RBMS3: variants seen among roughly 807,000 people sequenced by gnomAD.
The protein encoded by RBMS3 is RNA-binding motif, single-stranded-interacting protein 3.
Under a neutral mutation model 66.8 loss-of-function variants are expected in RBMS3, and 27 were observed. That is an observed-to-expected ratio of 0.40 (90% CI 0.30 to 0.56). The LOEUF is 0.56. Ranked by LOEUF, RBMS3 falls within the 20% of genes least tolerant of loss-of-function variation. The pLI is 0.40. For missense variants in RBMS3, 513 were observed against 549.5 expected (o/e 0.93, Z 0.66); for synonymous variants, 188 against 183.0 (o/e 1.03, Z -0.22).
chr3:29,601,791 CTT>C (rs1559501519), intron 4 of RBMS3, among the ~76,000 whole-genome samples: 1 of 151,918 alleles, frequency 6.6e-6, no homozygotes. Flanking sequence ...GACTCTCAGT[CTT>C]TTTTGTTTGA....
chr3:29,656,742 C>A (rs10510623), intron 4 of RBMS3, among the ~76,000 whole-genome samples: 1 of 152,040 alleles, frequency 6.6e-6, no homozygotes, highest in Admixed American at 6.5e-5. Flanking sequence ...AGGCTCTGAC[C>A]CATAACCGTT....
At chr3:29,528,923 T>C (rs916859889) in intron 3 of RBMS3, among the ~76,000 whole-genome samples, 3 of 151,998 alleles carry the variant, frequency 2.0e-5, no homozygotes, top group Non-Finnish European at 2.9e-5. Flanking sequence ...TTTTCTTTTT[T>C]AGTAGAGATG....
In RBMS3 at chr3:30,005,739, T is replaced by G. The variant is rs1196951890; in HGVS notation, c.*1877T>G. On this transcript the variant is annotated 3_prime_UTR_variant, in exon 15 of 15. Transcript: ENST00000383767. ...ATATTGGTGTTGCCGAAAGAACTTT[T>G]TCTTTCAGTTTAATTCTTTGAGGCA... 2.0e-5 allele frequency: 3 copies of G among 151,980 alleles called. No individual in the cohort carries two copies. Among genetic ancestry groups the G allele is most frequent in the African/African-American group, 7.2e-5 (3 of 41,536 alleles). The allele number at this position is 151,980 out of a possible 1,614,324, so 9.4% of individuals were successfully genotyped here. A position where few individuals can be genotyped will look rare whatever the true frequency, so the allele number is the denominator to read the frequency against.
chr3:29,560,188 T>G (rs2149046847), intron 3 of RBMS3, among the ~76,000 whole-genome samples: 1 of 152,330 alleles, frequency 6.6e-6, no homozygotes, highest in South Asian at 2.1e-4. Context: ...TCCTGCATTT[T>G]GAAAGTTGAT....
intron 10 of RBMS3, among the ~76,000 whole-genome samples, chr3:29,905,615 C>A (rs1226953857): frequency 5.3e-5 from 8 of 152,024 alleles, no homozygotes; most frequent in Admixed American, 5.3e-4. Flanking sequence ...TTCCTTTGAG[C>A]ATTGCTCTAT....
At chr3:29,897,329 C>T (rs1304905569) in intron 8 of RBMS3, 50 bp from the exon 9 acceptor site, 1 of 1,517,282 alleles carries the variant, frequency 6.6e-7, no homozygotes, top group Non-Finnish European at 9.1e-7. Flanking sequence ...TGATTAGAGG[C>T]CAGGCATGTA....
In RBMS3 at chr3:29,434,741, AG is replaced by A; in HGVS notation, c.76-1del. ...TCCAGTAACAGCTTTTTCTGTTTCC[AG>A]CAGTCCTATGCACCAGCTCCCCACC... On this transcript the variant is annotated splice_acceptor_variant, in intron 1 of 14. Coordinates refer to ENST00000383767, the MANE Select transcript of RBMS3 (RefSeq NM_001003793.3). LOFTEE classifies it high-confidence loss of function. 6.2e-7 allele frequency: 1 copy of A among 1,611,012 alleles called. No individual in the cohort carries two copies. Among genetic ancestry groups the A allele is most frequent in the Non-Finnish European group, 8.5e-7 (1 of 1,178,584 alleles).
intron 7 of RBMS3, among the ~76,000 whole-genome samples, chr3:29,873,051 T>A (rs1372857818): frequency 6.6e-6 from 1 of 152,180 alleles, no homozygotes; most frequent in Non-Finnish European, 1.5e-5. Flanking sequence ...TTGTTCTTTC[T>A]GCTTAGGATT....
intron 6 of RBMS3, among the ~76,000 whole-genome samples, chr3:29,786,681 A>C (rs1373367505): frequency 6.6e-6 from 1 of 152,192 alleles, no homozygotes; most frequent in Non-Finnish European, 1.5e-5. Context: ...TCCTTAATCA[A>C]AAATCAACTC....
intron 7 of RBMS3, among the ~76,000 whole-genome samples, chr3:29,874,258 G>T (rs2059558491): frequency 6.6e-6 from 1 of 152,144 alleles, no homozygotes; most frequent in South Asian, 2.1e-4. Flanking sequence ...ACATTTCAGA[G>T]ACATAGAATT....
chr3:29,661,160 G>C (rs1371842), intron 4 of RBMS3, among the ~76,000 whole-genome samples: 36,992 of 151,994 alleles, frequency 0.24, 5,515 homozygotes, highest in Non-Finnish European at 0.33. Context: ...TATCATCCAA[G>C]CCTTCCCCTG....
At chr3:29,381,284 G>A (rs1044167250) in intron 1 of RBMS3, among the ~76,000 whole-genome samples, 4 of 152,172 alleles carry the variant, frequency 2.6e-5, no homozygotes, top group African/African-American at 9.7e-5. Context: ...AGAGAAGCAA[G>A]GAAGTGTAAG....
At chr3:29,558,405 A>C (rs2149043852) in intron 3 of RBMS3, among the ~76,000 whole-genome samples, 1 of 152,368 alleles carries the variant, frequency 6.6e-6, no homozygotes, top group African/African-American at 2.4e-5. Flanking sequence ...CATTATTTAA[A>C]GGACAATTAG....
At chr3:29,913,904 C>G (rs1292956597) in intron 10 of RBMS3, among the ~76,000 whole-genome samples, 1 of 151,886 alleles carries the variant, frequency 6.6e-6, no homozygotes, top group Non-Finnish European at 1.5e-5. Flanking sequence ...ATTCTGATAT[C>G]ACACTCCAAA....
At chr3:29,944,364 G>T in intron 12 of RBMS3, 110 bp downstream of exon 12, 1 of 900,594 alleles carries the variant, frequency 1.1e-6, no homozygotes, top group Non-Finnish European at 1.8e-6. Context: ...GTGGGTGCAG[G>T]AAATTTGAAT....
At chr3:29,398,420 G>T (rs972860481) in intron 1 of RBMS3, among the ~76,000 whole-genome samples, 3 of 152,152 alleles carry the variant, frequency 2.0e-5, no homozygotes, top group African/African-American at 7.2e-5. Flanking sequence ...CATCAGGAAG[G>T]TCTCAAGGAC....
intron 1 of RBMS3, among the ~76,000 whole-genome samples, chr3:29,335,033 G>T (rs751499989): frequency 6.6e-6 from 1 of 152,064 alleles, no homozygotes; most frequent in Non-Finnish European, 1.5e-5. Context: ...TTAATAGCAG[G>T]CATTTTCCTC....
chr3:29,792,743 A>C (rs984062494), intron 6 of RBMS3, among the ~76,000 whole-genome samples: 2 of 152,260 alleles, frequency 1.3e-5, no homozygotes, highest in African/African-American at 4.8e-5. Context: ...TTCATTAAAT[A>C]ATCATTTATA....
At chr3:29,552,032 C>A (rs2046197423) in intron 3 of RBMS3, among the ~76,000 whole-genome samples, 1 of 151,940 alleles carries the variant, frequency 6.6e-6, no homozygotes, top group Admixed American at 6.6e-5. Flanking sequence ...CACTGCATGA[C>A]AAATTTACTT....
Sources: gnomAD v4.1 joint callset for allele counts (sites outside exome capture counted in the v4.1 genomes callset) on GRCh38, gnomAD v4.1.1 for gene constraint, MANE v1.5 for transcripts, NCBI Gene and HGNC (gene_info 2026-07-23, HGNC 2026-07-21) for gene names.